DDX10: variants seen among roughly 807,000 people sequenced by gnomAD.
DDX10 encodes the protein DEAD-box helicase 10.
A neutral mutation model predicts 104.3 loss-of-function variants in DDX10; 74 were observed. The observed-to-expected ratio is 0.71, with a 90% CI of 0.59 to 0.86. The LOEUF (loss-of-function observed/expected upper bound fraction) is 0.86, where lower values mean the gene tolerates loss of function less well. Among genes scored for constraint, DDX10 ranks in the 40% least tolerant of loss-of-function variants. The pLI is 0.00. For missense variants in DDX10, 952 were observed against 1,040.0 expected (o/e 0.92, Z 1.16); for synonymous variants, 351 against 353.4 (o/e 0.99, Z 0.08).
intron 2 of DDX10, 75 bp downstream of exon 2, chr11:108,673,602 GT>G: frequency 8.9e-7 from 1 of 1,119,450 alleles, no homozygotes; most frequent in Non-Finnish European, 1.3e-6. Flanking sequence ...GATTTAGAGG[GT>G]TTAGCCTGAA....
At chr11:108,917,139 C>T (rs1475957819) in intron 16 of DDX10, among the ~76,000 whole-genome samples, 1 of 151,066 alleles carries the variant, frequency 6.6e-6, no homozygotes, top group African/African-American at 2.4e-5. Flanking sequence ...AATCATGGCT[C>T]ACTCTAGCCT....
chr11:108,796,601 AT>A (rs1861944566), intron 13 of DDX10, among the ~76,000 whole-genome samples: 1 of 152,212 alleles, frequency 6.6e-6, no homozygotes, highest in African/African-American at 2.4e-5. Flanking sequence ...TTGTATAAAT[AT>A]TTGAACTTTA....
intron 13 of DDX10, chr11:108,822,348 G>T: frequency 5.5e-6 from 2 of 366,368 alleles, no homozygotes; most frequent in Non-Finnish European, 5.3e-6. Flanking sequence ...GATGAGTAGC[G>T]TTTTTGAGAT....
At chr11:108,930,949 C>T (rs76455284) in intron 17 of DDX10, among the ~76,000 whole-genome samples, 2,858 of 152,262 alleles carry the variant, frequency 0.019, 95 homozygotes, top group African/African-American at 0.063. Flanking sequence ...TTAATAAAAA[C>T]GTCAAAGACT....
At chr11:108,874,629 C>T (rs1223554016) in intron 16 of DDX10, among the ~76,000 whole-genome samples, 1 of 151,966 alleles carries the variant, frequency 6.6e-6, no homozygotes, top group Non-Finnish European at 1.5e-5. Context: ...ACCTCAGTCT[C>T]CCAAAATGCT....
chr11:108,706,643 C>A lies in DDX10; in HGVS notation c.1224-96C>A, dbSNP rs1729935876. On this transcript the variant is annotated intron_variant, in intron 9 of 17. Coordinates refer to ENST00000322536, the MANE Select transcript of DDX10 (RefSeq NM_004398.4). The stretch of plus-strand genomic sequence containing the variant: ...CCAGTCTCTGACATTTATGGTTAGA[C>A]AAAAATGGTTTCCATGTTTACCTAT... 6 of 947,442 alleles carry A rather than the reference C, an allele frequency of 6.3e-6. No homozygotes were observed. The Admixed American group carries it at 9.4e-5, about 15-fold the overall frequency. 58.7% of individuals were successfully genotyped at this position (947,442 alleles called of 1,614,324 possible).
At chr11:108,834,097 A>T (rs2726869) in intron 13 of DDX10, among the ~76,000 whole-genome samples, 18,475 of 150,982 alleles carry the variant, frequency 0.12, 1,540 homozygotes, top group East Asian at 0.27. Context: ...CTAAGACTAC[A>T]GGCCTGTGCC....
intron 11 of DDX10, 123 bp downstream of exon 11, chr11:108,716,089 A>C (rs762488592): frequency 3.0e-6 from 2 of 667,814 alleles, no homozygotes; most frequent in East Asian, 5.7e-5. Context: ...TTGCTGACAG[A>C]TAAGTCTAGC....
In DDX10 at chr11:108,734,310, G is replaced by A. The variant is rs567795578; in HGVS notation, c.1965+10848G>A. On this transcript the variant is annotated intron_variant, in intron 13 of 17. Coordinates refer to ENST00000322536, the MANE Select transcript of DDX10 (RefSeq NM_004398.4). ...AGCATGATCTCAGATGTTGCCAGCT[G>A]AAATAGTTTGGTATATATGCTCATT... is the stretch of plus-strand genomic sequence containing the variant. 2.0e-5 allele frequency among the ~76,000 whole-genome samples: 3 copies of A among 152,226 alleles called. No individual in the cohort carries two copies. In the South Asian group the frequency reaches 6.2e-4, roughly 32 times the overall value.
At chr11:108,799,020 T>C (rs766562299) in intron 13 of DDX10, among the ~76,000 whole-genome samples, 2 of 152,214 alleles carry the variant, frequency 1.3e-5, no homozygotes, top group Non-Finnish European at 2.9e-5. Flanking sequence ...ATGAAACTTT[T>C]TTAATGTAAT....
At chr11:108,706,578 G>A (rs1458930320) in intron 9 of DDX10, among the ~76,000 whole-genome samples, 161 bp from the exon 10 acceptor site, 2 of 152,022 alleles carry the variant, frequency 1.3e-5, no homozygotes, top group Non-Finnish European at 2.9e-5. Flanking sequence ...ATGATATGAG[G>A]TGTTCAGAGC....
intron 16 of DDX10, among the ~76,000 whole-genome samples, chr11:108,898,354 C>A (rs1863468503): frequency 6.6e-6 from 1 of 152,106 alleles, no homozygotes. Flanking sequence ...TAATATGTTA[C>A]ATGTCTCGGA....
intron 16 of DDX10, among the ~76,000 whole-genome samples, chr11:108,906,901 A>C (rs777603031): frequency 2.0e-5 from 3 of 152,192 alleles, no homozygotes; most frequent in Non-Finnish European, 4.4e-5. Context: ...TAAAAGTCTT[A>C]AGGTTAAAAT....
At chr11:108,692,380 A>G (rs1219350585) in intron 8 of DDX10, among the ~76,000 whole-genome samples, 1 of 152,238 alleles carries the variant, frequency 6.6e-6, no homozygotes, top group Non-Finnish European at 1.5e-5. Flanking sequence ...TCATTTAACA[A>G]GAAAAATCAG....
chr11:108,716,377 G>A (rs1393334111), intron 11 of DDX10, among the ~76,000 whole-genome samples: 2 of 152,026 alleles, frequency 1.3e-5, no homozygotes, highest in South Asian at 4.2e-4. Context: ...GATTACAGGC[G>A]TGAGCCACTA....
At chr11:108,832,749 C>G (rs1331017414) in intron 13 of DDX10, among the ~76,000 whole-genome samples, 1 of 152,138 alleles carries the variant, frequency 6.6e-6, no homozygotes, top group Non-Finnish European at 1.5e-5. Context: ...AAATATATTT[C>G]AAAATTTAAC....
chr11:108,914,506 A>G (rs1057387108), intron 16 of DDX10, among the ~76,000 whole-genome samples: 7 of 152,230 alleles, frequency 4.6e-5, no homozygotes, highest in Non-Finnish European at 1.0e-4. Context: ...GCAGCTCCTT[A>G]CTATGGATTA....
chr11:108,921,300 A>G (rs1025981296), intron 17 of DDX10: 2 of 152,230 alleles, frequency 1.3e-5, no homozygotes. Context: ...ATATACTAGA[A>G]TTTTGACAGT....
At chr11:108,893,600 A>G (rs1863403727) in intron 16 of DDX10, among the ~76,000 whole-genome samples, 1 of 150,768 alleles carries the variant, frequency 6.6e-6, no homozygotes, top group Admixed American at 6.6e-5. Context: ...GAGGGAAAAA[A>G]TTACCTTAAA....
Sources: allele counts gnomAD v4.1 joint callset (sites outside exome capture counted in the v4.1 genomes callset), GRCh38; gene constraint gnomAD v4.1.1; transcripts MANE v1.5; gene names NCBI Gene and HGNC (gene_info 2026-07-23, HGNC 2026-07-21).